CNTN5: variants seen among roughly 807,000 people sequenced by gnomAD.
CNTN5 encodes the protein contactin-5.
Under a neutral mutation model 129.1 loss-of-function variants are expected in CNTN5, and 77 were observed. The ratio of observed to expected loss-of-function variants is 0.60; its 90% CI spans 0.50 to 0.72. CNTN5 has a LOEUF of 0.72. Among genes scored for constraint, CNTN5 ranks in the 30% least tolerant of loss-of-function variants. The pLI, the probability that CNTN5 is intolerant of heterozygous loss-of-function variation, is 0.00. For synonymous variants in CNTN5, 509 were observed against 465.6 expected (o/e 1.09, Z -1.20); for missense variants, 1,478 against 1,328.8 (o/e 1.11, Z -1.75).
chr11:100,069,653 G>A (rs1001265140), intron 10 of CNTN5, among the ~76,000 whole-genome samples: 4 of 152,098 alleles, frequency 2.6e-5, no homozygotes, highest in Non-Finnish European at 4.4e-5. Flanking sequence ...GCCCTCAGTA[G>A]CACATATAAA....
At chr11:99,576,208 C>T (rs1164793081) in intron 3 of CNTN5, among the ~76,000 whole-genome samples, 1 of 152,140 alleles carries the variant, frequency 6.6e-6, no homozygotes, top group Admixed American at 6.6e-5. Context: ...AATTTTTTGT[C>T]TAGGCAGAGC....
chr11:100,034,517 C>A (rs1455686726), intron 9 of CNTN5, among the ~76,000 whole-genome samples: 1 of 152,166 alleles, frequency 6.6e-6, no homozygotes, highest in Admixed American at 6.6e-5. Context: ...GTATTCCTAC[C>A]TCTAACCTTG....
intron 2 of CNTN5, among the ~76,000 whole-genome samples, chr11:99,489,821 CAAAAGTGAGAGT>C (rs1945965533): frequency 6.6e-6 from 1 of 151,766 alleles, no homozygotes; most frequent in Admixed American, 6.6e-5. Flanking sequence ...GATGAAAGAG[CAAAAGTGAGAGT>C]GAAAGTGAGA....
chr11:100,312,127 G>A (rs1951484795), intron 21 of CNTN5, among the ~76,000 whole-genome samples: 1 of 151,918 alleles, frequency 6.6e-6, no homozygotes. Context: ...TCAAAATATG[G>A]CATCTTGTTA....
At chr11:100,060,908 T>G (rs113555997) in intron 9 of CNTN5, among the ~76,000 whole-genome samples, 16,638 of 150,768 alleles carry the variant, frequency 0.11, 1,038 homozygotes, top group Middle Eastern at 0.26. Flanking sequence ...CCCAAAGTGC[T>G]GGGATTACAG....
intron 15 of CNTN5, among the ~76,000 whole-genome samples, chr11:100,199,071 G>T (rs1482310761): frequency 6.6e-6 from 1 of 151,938 alleles, no homozygotes; most frequent in Admixed American, 6.6e-5. Context: ...TCAATGGAAT[G>T]CTTGGGTATA....
At chr11:99,801,034 T>G (rs1254882062) in intron 3 of CNTN5, among the ~76,000 whole-genome samples, 1 of 152,160 alleles carries the variant, frequency 6.6e-6, no homozygotes, top group Non-Finnish European at 1.5e-5. Flanking sequence ...GTTATGTACT[T>G]AAGTGTGCTT....
At chr11:99,608,592 AAG>A (rs1820572971) in intron 3 of CNTN5, among the ~76,000 whole-genome samples, 1 of 152,164 alleles carries the variant, frequency 6.6e-6, no homozygotes, top group African/African-American at 2.4e-5. Flanking sequence ...AGATGATATG[AAG>A]AGACACAGGG....
At chr11:99,286,809 A>C (rs1344377693) in intron 1 of CNTN5, among the ~76,000 whole-genome samples, 1 of 152,208 alleles carries the variant, frequency 6.6e-6, no homozygotes, top group Non-Finnish European at 1.5e-5. Flanking sequence ...TTATAATGTA[A>C]GAAAAGGTTT....
chr11:99,753,186 G>T (rs114394753), intron 3 of CNTN5, among the ~76,000 whole-genome samples: 1 of 144,812 alleles, frequency 6.9e-6, no homozygotes, highest in South Asian at 2.3e-4. Flanking sequence ...ACGGTGGCGA[G>T]ATCTCGACTC....
intron 6 of CNTN5, among the ~76,000 whole-genome samples, chr11:99,867,806 T>C (rs1347933564): frequency 2.0e-5 from 3 of 152,294 alleles, no homozygotes; most frequent in East Asian, 1.9e-4. Context: ...TAGTCAAAGA[T>C]TTGAGGATTC....
At chr11:99,145,264 AT>A (rs1242743647) in intron 1 of CNTN5, among the ~76,000 whole-genome samples, 1 of 151,918 alleles carries the variant, frequency 6.6e-6, no homozygotes, top group Non-Finnish European at 1.5e-5. Flanking sequence ...GAGATCAGGT[AT>A]CACTATGTTG....
At chr11:99,384,550 C>T (rs17133438) in intron 2 of CNTN5, among the ~76,000 whole-genome samples, 11,345 of 152,052 alleles carry the variant, frequency 0.075, 625 homozygotes, top group African/African-American at 0.15. Flanking sequence ...AAAACTGGTC[C>T]GTGGTGTTTG....
intron 1 of CNTN5, among the ~76,000 whole-genome samples, chr11:99,286,703 A>T (rs1863954159): frequency 6.6e-6 from 1 of 152,312 alleles, no homozygotes; most frequent in African/African-American, 2.4e-5. Flanking sequence ...TAAATGGAAT[A>T]ATCCATAAAA....
chr11:99,215,699 A>C (rs1860080509), intron 1 of CNTN5, among the ~76,000 whole-genome samples: 1 of 152,172 alleles, frequency 6.6e-6, no homozygotes, highest in Non-Finnish European at 1.5e-5. Context: ...AGTACCTCAG[A>C]AAGGCAGCTA....
intron 16 of CNTN5, among the ~76,000 whole-genome samples, chr11:100,253,562 A>T (rs978380663): frequency 1.3e-5 from 2 of 152,152 alleles, no homozygotes; most frequent in Non-Finnish European, 2.9e-5. Context: ...ATACAGTGAG[A>T]TTATCACAGC....
chr11:99,564,944 T>C (rs1948954476), intron 3 of CNTN5, among the ~76,000 whole-genome samples: 1 of 152,188 alleles, frequency 6.6e-6, no homozygotes, highest in Non-Finnish European at 1.5e-5. Flanking sequence ...CTCCAGCTAA[T>C]GGGTTTTTTT....
At chr11:99,361,520 C>T (rs1939109470) in intron 2 of CNTN5, among the ~76,000 whole-genome samples, 1 of 152,050 alleles carries the variant, frequency 6.6e-6, no homozygotes, top group Non-Finnish European at 1.5e-5. Flanking sequence ...TCATTTTAGC[C>T]ATTTTAATTA....
In CNTN5 at chr11:99,810,974, C is replaced by T. The variant is rs559551228; in HGVS notation, c.56-8570C>T. Reference sequence around the variant, plus strand: ...GGAATATTCTCAAGAATATTATGCTCTCAAGAGCATCACACATCATTTGGT... The same window carrying T: ...GGAATATTCTCAAGAATATTATGCTTTCAAGAGCATCACACATCATTTGGT... On this transcript the variant is annotated intron_variant, in intron 3 of 24. Transcript: ENST00000524871. Among the ~76,000 whole-genome samples, 27 of 152,160 alleles carry T rather than the reference C, an allele frequency of 1.8e-4. No homozygotes were observed. In the South Asian group the frequency reaches 4.8e-3, roughly 27 times the overall value.
Sources: gnomAD v4.1 joint callset for allele counts (sites outside exome capture counted in the v4.1 genomes callset) on GRCh38, gnomAD v4.1.1 for gene constraint, MANE v1.5 for transcripts, NCBI Gene and HGNC (gene_info 2026-07-23, HGNC 2026-07-21) for gene names.